Variants in EPB41L5 observed in about 807,000 individuals in gnomAD.
EPB41L5 encodes band 4.1-like protein 5.
In EPB41L5, 55 loss-of-function variants were observed where a neutral mutation model predicts 106.6. The observed-to-expected ratio is 0.52, with a 90% CI of 0.42 to 0.65. EPB41L5 has a LOEUF of 0.65. Among genes scored for constraint, EPB41L5 ranks in the 30% least tolerant of loss-of-function variants. The probability of loss-of-function intolerance (pLI) is 0.00; values close to 1 mark genes in which losing one functional copy is unlikely to be tolerated. For synonymous variants in EPB41L5, 297 were observed against 306.7 expected, an observed-to-expected ratio of 0.97 and a Z score of 0.33; for missense variants, 871 against 882.1, an observed-to-expected ratio of 0.99 and a Z score of 0.16.
At chr2:120,155,091 A>C (rs1686845004) in intron 20 of EPB41L5, among the ~76,000 whole-genome samples, 1 of 152,146 alleles carries the variant, frequency 6.6e-6, no homozygotes. Context: ...CTTTACCAGT[A>C]ATTTTCTCTA....
At position 120,145,459 on chromosome 2, in the gene EPB41L5, A is replaced by G. The variant is rs61188938; in HGVS notation, c.1729-766A>G. 5.4e-3 allele frequency among the ~76,000 whole-genome samples: 815 copies of G among 152,320 alleles called. 4 individuals carry two copies. The highest frequency in any genetic ancestry group is 0.019 in the African/African-American group (777 of 41,570). On this transcript the variant is annotated intron_variant, in intron 19 of 24. Coordinates refer to ENST00000263713, the MANE Select transcript of EPB41L5 (RefSeq NM_020909.4). ...TGGAAAGGATAGGTACTGTGATTCC[A>G]ATTATATGAAACTGTGTAAAGTATA...
At chr2:120,044,219 T>G (rs925132685) in intron 3 of EPB41L5, among the ~76,000 whole-genome samples, 1 of 152,148 alleles carries the variant, frequency 6.6e-6, no homozygotes, top group Non-Finnish European at 1.5e-5. Context: ...GTTTCAGAGT[T>G]TCTAATCTCT....
At chr2:120,169,187 TA>T (rs1687555125) in intron 24 of EPB41L5, among the ~76,000 whole-genome samples, 1 of 152,090 alleles carries the variant, frequency 6.6e-6, no homozygotes, top group Admixed American at 6.5e-5. Context: ...AACTCATATG[TA>T]ATACAGTTTT....
At chr2:120,021,271 T>A (rs916088169) in intron 2 of EPB41L5, among the ~76,000 whole-genome samples, 3 of 142,768 alleles carry the variant, frequency 2.1e-5, no homozygotes, top group African/African-American at 7.9e-5. Flanking sequence ...ACCTGGGAGG[T>A]GGAGATTGCA....
Position 120,025,720 on chromosome 2 carries a change from A to T in EPB41L5, c.180+6456A>T, listed in dbSNP as rs564957892. Among the ~76,000 whole-genome samples, 104 of 152,330 alleles carry T rather than the reference A, an allele frequency of 6.8e-4. No homozygotes were observed. In the Middle Eastern group the frequency reaches 0.02, roughly 30 times the overall value. On this transcript the variant is annotated intron_variant, in intron 2 of 24. Transcript: ENST00000263713. ...TAGGATGGCAGTACACCTCAAATTG[A>T]TTGATGCATTCAGTGCAGTCCCCAT...
chr2:120,159,275 C>A (rs2860988), intron 20 of EPB41L5, among the ~76,000 whole-genome samples: 93,208 of 146,444 alleles, frequency 0.64, 30,800 homozygotes, highest in Middle Eastern at 0.74. Flanking sequence ...AAAAAAAAAA[C>A]AGCCGGGTGT....
At chr2:120,073,027 C>T (rs1428753395) in intron 3 of EPB41L5, 151 bp from the exon 4 acceptor site, 2 of 624,590 alleles carry the variant, frequency 3.2e-6, no homozygotes, top group Non-Finnish European at 5.5e-6. Context: ...TCTTCCTTCT[C>T]ACCTCTTTTC....
chr2:120,131,411 T>C (rs894346957), intron 17 of EPB41L5, among the ~76,000 whole-genome samples: 1 of 152,304 alleles, frequency 6.6e-6, no homozygotes, highest in South Asian at 2.1e-4. Context: ...TAGGGTGGTG[T>C]TTCTACTTAG....
chr2:120,167,405 T>C lies in EPB41L5; in HGVS notation c.1963-61T>C, dbSNP rs1687463646. 4 of 1,365,478 alleles carry C rather than the reference T, an allele frequency of 2.9e-6. No individual in the cohort carries two copies. The East Asian group carries it at 9.2e-5, about 31-fold the overall frequency. 84.6% of individuals were successfully genotyped at this position (1,365,478 alleles called of 1,614,324 possible). A position where few individuals can be genotyped will look rare whatever the true frequency, so the allele number is the denominator to read the frequency against. ...TCATAATAGATGTAAGTAAGTATTA[T>C]AAGTATGAAAATAAGTCAGTCTTTC... is the stretch of plus-strand genomic sequence containing the variant. On this transcript the variant is annotated intron_variant, in intron 22 of 24. Coordinates refer to ENST00000263713, the MANE Select transcript of EPB41L5 (RefSeq NM_020909.4).
chr2:120,080,121 T>C (rs937397980), intron 10 of EPB41L5, among the ~76,000 whole-genome samples: 1 of 151,630 alleles, frequency 6.6e-6, no homozygotes, highest in African/African-American at 2.4e-5. Flanking sequence ...TTTTTTTTTT[T>C]ATTATACTTT....
intron 3 of EPB41L5, among the ~76,000 whole-genome samples, chr2:120,065,689 G>C (rs765496187): frequency 6.6e-6 from 1 of 151,760 alleles, no homozygotes; most frequent in African/African-American, 2.4e-5. Context: ...GCTAATTTTT[G>C]TATTTTTAGT....
At position 120,123,026 on chromosome 2, in the gene EPB41L5, T is replaced by C. The variant is rs1291169425; in HGVS notation, c.1338-4662T>C. 3.3e-5 allele frequency among the ~76,000 whole-genome samples: 5 copies of C among 152,254 alleles called. No individual in the cohort carries two copies. In the South Asian group the frequency reaches 8.3e-4, roughly 25 times the overall value. On this transcript the variant is annotated intron_variant, in intron 16 of 24. Coordinates refer to ENST00000263713, the MANE Select transcript of EPB41L5 (RefSeq NM_020909.4). ...CATTGATTTTTGTATCCTGAGACTT[T>C]GCTGAAGTTGCTTATCAGCTTAGGT... is the stretch of plus-strand genomic sequence containing the variant.
intron 16 of EPB41L5, among the ~76,000 whole-genome samples, chr2:120,113,971 G>T (rs1477266059): frequency 6.6e-6 from 1 of 152,170 alleles, no homozygotes; most frequent in Non-Finnish European, 1.5e-5. Flanking sequence ...TGTAGGTTTT[G>T]TATGAACATG....
At chr2:120,137,090 C>T (rs1685955378) in intron 18 of EPB41L5, among the ~76,000 whole-genome samples, 1 of 152,024 alleles carries the variant, frequency 6.6e-6, no homozygotes, top group East Asian at 1.9e-4. Context: ...TATACAACCA[C>T]ATGGAAATCA....
In EPB41L5 at chr2:120,041,975, T is replaced by G. The variant is rs10209588; in HGVS notation, c.181-31T>G. ...AGGCTTGTTGATCTTATAAACCACT[T>G]ATTGATTTACTTATTATCTTGCCAT... On this transcript the variant is annotated intron_variant, in intron 2 of 24. Coordinates refer to ENST00000263713, the MANE Select transcript of EPB41L5 (RefSeq NM_020909.4). 3.6e-4 allele frequency: 546 copies of G among 1,509,000 alleles called. 1 individual carries two copies. In the African/African-American group the frequency reaches 6.1e-3, roughly 17 times the overall value. 93.5% of individuals were successfully genotyped at this position (1,509,000 alleles called of 1,614,324 possible). A position where few individuals can be genotyped will look rare whatever the true frequency, so the allele number is the denominator to read the frequency against.
intron 18 of EPB41L5, among the ~76,000 whole-genome samples, chr2:120,132,898 G>A (rs1685764269): frequency 6.6e-6 from 1 of 152,110 alleles, no homozygotes; most frequent in Non-Finnish European, 1.5e-5. Flanking sequence ...GGGATTGTTG[G>A]CTGTGCTCAG....
chr2:120,121,139 G>A (rs1418065446), intron 16 of EPB41L5, among the ~76,000 whole-genome samples: 1 of 152,032 alleles, frequency 6.6e-6, no homozygotes, highest in South Asian at 2.1e-4. Flanking sequence ...CAATTGAGAT[G>A]GTAAAGCCAT....
intron 17 of EPB41L5, among the ~76,000 whole-genome samples, chr2:120,131,336 A>G (rs1318919789): frequency 6.6e-6 from 1 of 152,132 alleles, no homozygotes; most frequent in Non-Finnish European, 1.5e-5. Flanking sequence ...GGCTAGGTAA[A>G]CCTTCTTAAC....
chr2:120,057,636 C>CT lies in EPB41L5; in HGVS notation c.286-15529dup, dbSNP rs554013617. ...TTACGCCGTCAAACATTTATAATCT[C>CT]TTTTTTTTTTTTTGCTGTTGGTACA... On this transcript the variant is annotated intron_variant, in intron 3 of 24. Transcript: ENST00000263713. Among the ~76,000 whole-genome samples, 1,139 of 141,780 alleles carry CT rather than the reference C, an allele frequency of 8.0e-3. 4 individuals are homozygous for CT. The highest frequency in any genetic ancestry group is 0.022 in the African/African-American group (843 of 38,826). 93.0% of individuals were successfully genotyped at this position (141,780 alleles called of 152,430 possible).
Sources: allele counts gnomAD v4.1 joint callset (sites outside exome capture counted in the v4.1 genomes callset), GRCh38; gene constraint gnomAD v4.1.1; transcripts MANE v1.5; gene names NCBI Gene and HGNC (gene_info 2026-07-23, HGNC 2026-07-21).